The following PTPRD variants were observed in gnomAD, a reference collection of about 807,000 sequenced individuals.
PTPRD encodes the protein protein tyrosine phosphatase receptor type D.
In PTPRD, 34 loss-of-function variants were observed where a neutral mutation model predicts 214.5. The ratio of observed to expected loss-of-function variants is 0.16; its 90% CI spans 0.12 to 0.21. The LOEUF is 0.21. Ranked by LOEUF, PTPRD falls within the 10% of genes least tolerant of loss-of-function variation. The pLI, the probability that PTPRD is intolerant of heterozygous loss-of-function variation, is 1.00. For synonymous variants in PTPRD, 1,128 were observed against 845.7 expected (o/e 1.33, Z -5.79); for missense variants, 2,545 against 2,398.7 (o/e 1.06, Z -1.27).
At chr9:9,841,796 T>A (rs2058385819) in intron 5 of PTPRD, among the ~76,000 whole-genome samples, 1 of 152,062 alleles carries the variant, frequency 6.6e-6, no homozygotes, top group Non-Finnish European at 1.5e-5. Flanking sequence ...CATACACACA[T>A]GCCATAAGGA....
At chr9:10,029,643 C>T (rs1223744392) in intron 4 of PTPRD, among the ~76,000 whole-genome samples, 1 of 152,162 alleles carries the variant, frequency 6.6e-6, no homozygotes, top group Non-Finnish European at 1.5e-5. Context: ...CTGTATTTCC[C>T]CAGTGCCTGT....
At chr9:8,845,873 C>T (rs191533830) in intron 11 of PTPRD, among the ~76,000 whole-genome samples, 6 of 152,242 alleles carry the variant, frequency 3.9e-5, no homozygotes, top group South Asian at 2.1e-4. Flanking sequence ...TCTGTTAGGG[C>T]GGTCATTTGA....
chr9:9,842,582 G>C (rs747690286), intron 5 of PTPRD, among the ~76,000 whole-genome samples: 1 of 151,572 alleles, frequency 6.6e-6, no homozygotes, highest in Non-Finnish European at 1.5e-5. Context: ...AACTAGTATC[G>C]TTGTTAAAAC....
intron 2 of PTPRD, among the ~76,000 whole-genome samples, chr9:10,545,134 C>T (rs1431586420): frequency 6.6e-6 from 1 of 152,138 alleles, no homozygotes; most frequent in Non-Finnish European, 1.5e-5. Flanking sequence ...CAAACTCCCA[C>T]AAGGGTGTGG....
intron 7 of PTPRD, among the ~76,000 whole-genome samples, chr9:9,596,307 T>G (rs2154333548): frequency 6.6e-6 from 1 of 152,110 alleles, no homozygotes; most frequent in Admixed American, 6.6e-5. Context: ...TAGTAATTCT[T>G]TATGTGTATT....
At chr9:10,527,632 A>T (rs1229901643) in intron 2 of PTPRD, among the ~76,000 whole-genome samples, 1 of 152,170 alleles carries the variant, frequency 6.6e-6, no homozygotes, top group Non-Finnish European at 1.5e-5. Context: ...CAGGAGGTTA[A>T]TTTGAGAATT....
intron 6 of PTPRD, among the ~76,000 whole-genome samples, chr9:9,745,561 A>G (rs937568979): frequency 3.3e-5 from 5 of 152,128 alleles, no homozygotes; most frequent in Admixed American, 3.3e-4. Flanking sequence ...ATTTTTATCC[A>G]TTTACATATT....
intron 5 of PTPRD, among the ~76,000 whole-genome samples, chr9:9,788,096 T>C (rs896777124): frequency 3.3e-5 from 5 of 151,640 alleles, no homozygotes; most frequent in Non-Finnish European, 5.9e-5. Flanking sequence ...TATACCACTT[T>C]TACAATCAGT....
intron 11 of PTPRD, among the ~76,000 whole-genome samples, chr9:8,822,757 C>T (rs2097096720): frequency 6.6e-6 from 1 of 152,100 alleles, no homozygotes; most frequent in Admixed American, 6.5e-5. Context: ...TGCCCAAGGT[C>T]CCGCAGCTGA....
chr9:9,141,172 C>CT (rs1447486680), intron 10 of PTPRD, among the ~76,000 whole-genome samples: 1 of 141,000 alleles, frequency 7.1e-6, no homozygotes, highest in African/African-American at 2.6e-5. Context: ...CCCTCCTCTT[C>CT]TCTCTCTCTC....
chr9:9,028,594 T>C (rs992374136), intron 10 of PTPRD, among the ~76,000 whole-genome samples: 1 of 151,986 alleles, frequency 6.6e-6, no homozygotes, highest in South Asian at 2.1e-4. Context: ...CTCCATTTTC[T>C]CATTACTCCA....
intron 2 of PTPRD, among the ~76,000 whole-genome samples, chr9:10,479,212 T>C (rs1053662282): frequency 2.0e-5 from 3 of 152,148 alleles, no homozygotes; most frequent in Admixed American, 6.6e-5. Context: ...GCACATTCTG[T>C]TACATGATAT....
rs1310424875 is a variant in PTPRD, at chr9:10,041,604, T to C, written c.-544-7814A>G. ...TGTTATATTAGAGACTTTACTAGAT[T>C]CATTTAAAAAGTGTAATATGAGCAA... is the stretch of plus-strand genomic sequence containing the variant. On this transcript the variant is annotated intron_variant, in intron 3 of 45. Transcript: ENST00000381196. 2.6e-5 allele frequency among the ~76,000 whole-genome samples: 4 copies of C among 151,974 alleles called. No homozygotes were observed. The East Asian group carries it at 7.7e-4, about 29-fold the overall frequency.
chr9:9,045,046 C>G (rs1333228381), intron 10 of PTPRD, among the ~76,000 whole-genome samples: 3 of 152,052 alleles, frequency 2.0e-5, no homozygotes, highest in Non-Finnish European at 4.4e-5. Context: ...CTAAACCATT[C>G]AAAAATATGA....
Position 8,512,011 on chromosome 9 carries a change from T to C in PTPRD, c.1544-4577A>G, listed in dbSNP as rs540235951. 6.6e-5 allele frequency among the ~76,000 whole-genome samples: 10 copies of C among 152,242 alleles called. No homozygotes were observed. In the South Asian group the frequency reaches 2.1e-3, roughly 32 times the overall value. On this transcript the variant is annotated intron_variant, in intron 21 of 45. Transcript: ENST00000381196. ...ATTTGAATAAAATGTAGAGATTATCTCTAAAGAAAGGTTGACACATATTGC... is the reference window on the plus strand; with the variant it reads ...ATTTGAATAAAATGTAGAGATTATCCCTAAAGAAAGGTTGACACATATTGC...
At chr9:10,447,212 C>T (rs1358549224) in intron 2 of PTPRD, among the ~76,000 whole-genome samples, 2 of 151,950 alleles carry the variant, frequency 1.3e-5, no homozygotes, top group East Asian at 1.9e-4. Flanking sequence ...TTTCAGCCTG[C>T]GTGCAGCAAA....
intron 8 of PTPRD, among the ~76,000 whole-genome samples, chr9:9,470,243 T>C (rs2382013): frequency 0.7 from 106,724 of 151,946 alleles, 37,594 homozygotes; most frequent in South Asian, 0.75. Context: ...TCTCTCTTTA[T>C]ATTTGCAGCA....
intron 7 of PTPRD, among the ~76,000 whole-genome samples, chr9:9,578,922 T>G (rs2089904535): frequency 6.6e-6 from 1 of 152,146 alleles, no homozygotes; most frequent in Non-Finnish European, 1.5e-5. Flanking sequence ...TGTAAGATCC[T>G]GGTCTCAGTA....
intron 11 of PTPRD, among the ~76,000 whole-genome samples, chr9:8,988,970 T>C (rs1199836895): frequency 2.0e-5 from 3 of 152,128 alleles, no homozygotes; most frequent in African/African-American, 7.2e-5. Flanking sequence ...TTCTTTACTA[T>C]ACAAATGTTT....
Sources: gnomAD v4.1 joint callset for allele counts (sites outside exome capture counted in the v4.1 genomes callset) on GRCh38, gnomAD v4.1.1 for gene constraint, MANE v1.5 for transcripts, NCBI Gene and HGNC (gene_info 2026-07-23, HGNC 2026-07-21) for gene names.